IL31RA: variants seen among roughly 807,000 people sequenced by gnomAD.
IL31RA encodes interleukin-31 receptor subunit alpha.
Under a neutral mutation model 83.7 loss-of-function variants are expected in IL31RA, and 66 were observed. That is an observed-to-expected ratio of 0.79 (90% CI 0.65 to 0.97). The LOEUF (loss-of-function observed/expected upper bound fraction) is 0.97. IL31RA is among the 50% of genes least tolerant of loss of function. The probability of loss-of-function intolerance (pLI) is 0.00; values close to 1 mark genes in which losing one functional copy is unlikely to be tolerated. For missense variants in IL31RA, 798 were observed against 919.4 expected, an observed-to-expected ratio of 0.87 and a Z score of 1.71; for synonymous variants, 325 against 329.0, an observed-to-expected ratio of 0.99 and a Z score of 0.13.
intron 3 of IL31RA, 134 bp downstream of exon 3, chr5:55,869,042 C>A: frequency 1.3e-6 from 1 of 743,312 alleles, no homozygotes; most frequent in South Asian, 1.4e-5. Flanking sequence ...CTGTGTGCAG[C>A]CAGTGGCTTG....
At position 55,907,384 on chromosome 5, in the gene IL31RA, T is replaced by C; in HGVS notation, c.1278T>C (p.Tyr426=). Residue 426 remains tyrosine (Y), a synonymous_variant, in exon 10 of 15, where the codon TAT becomes TAC. Coordinates refer to ENST00000652347, the MANE Select transcript of IL31RA (RefSeq NM_139017.7). ...ATAAATTAAAACCTTTCTGGTGCTA[T>C]AACATCTCTGTGTATCCAATGTTGC... The part of the protein sequence containing the change: ...QQDKLKPFWC[Y]NISVYPMLHD... 6.2e-7 allele frequency: 1 copy of C among 1,613,546 alleles called. No homozygotes were observed. Among genetic ancestry groups the C allele is most frequent in the South Asian group, 1.1e-5 (1 of 91,080 alleles).
chr5:55,893,386 C>T (rs761027773), intron 6 of IL31RA, among the ~76,000 whole-genome samples: 2 of 152,216 alleles, frequency 1.3e-5, no homozygotes, highest in African/African-American at 2.4e-5. Flanking sequence ...AGCAGGGGCA[C>T]CTGCACATGT....
At chr5:55,851,990 T>A (rs561596904) in intron 1 of IL31RA, among the ~76,000 whole-genome samples, 12 of 152,198 alleles carry the variant, frequency 7.9e-5, no homozygotes, top group Non-Finnish European at 1.2e-4. Context: ...TAAATGTATA[T>A]GCTCAATTGG....
intron 4 of IL31RA, among the ~76,000 whole-genome samples, chr5:55,880,991 A>C (rs1037384962): frequency 2.0e-5 from 3 of 152,200 alleles, no homozygotes; most frequent in African/African-American, 7.2e-5. Context: ...GTTTTAGAGC[A>C]GGAGTGGAAG....
chr5:55,913,177 G>A (rs1003390548), intron 12 of IL31RA, among the ~76,000 whole-genome samples: 4 of 151,888 alleles, frequency 2.6e-5, no homozygotes, highest in Non-Finnish European at 2.9e-5. Context: ...TGCAACCTCC[G>A]CCTCCCAGGT....
intron 2 of IL31RA, among the ~76,000 whole-genome samples, chr5:55,866,997 G>A (rs1258366940): frequency 6.6e-6 from 1 of 151,936 alleles, no homozygotes; most frequent in African/African-American, 2.4e-5. Context: ...TCTTTCCAGA[G>A]GCTCAACAAA....
rs1446213225 is a variant in IL31RA, at chr5:55,920,064, G to A, written c.*2944G>A. 2.6e-5 allele frequency among the ~76,000 whole-genome samples: 4 copies of A among 152,220 alleles called. No individual in the cohort carries two copies. The highest frequency in any genetic ancestry group is 9.6e-5 in the African/African-American group (4 of 41,456). On this transcript the variant is annotated 3_prime_UTR_variant, in exon 15 of 15. Transcript: ENST00000652347. ...AGCAGAAAATTTTTAAAGAATGACA[G>A]AGAAACCAGTCTGTGGCTTAAATAA...
intron 11 of IL31RA, among the ~76,000 whole-genome samples, chr5:55,909,995 C>T (rs370689016): frequency 2.0e-4 from 30 of 152,316 alleles, no homozygotes; most frequent in South Asian, 2.1e-4. Flanking sequence ...TGAGCCACTG[C>T]GCCCGGCCAG....
At chr5:55,853,446 G>T in intron 1 of IL31RA, 1 of 1,538,366 alleles carries the variant, frequency 6.5e-7, no homozygotes, top group Non-Finnish European at 8.8e-7. Flanking sequence ...ATCTTAGTGT[G>T]GATAAATTAA....
chr5:55,874,940 G>C (rs968729337), intron 4 of IL31RA, among the ~76,000 whole-genome samples: 4 of 152,066 alleles, frequency 2.6e-5, no homozygotes, highest in African/African-American at 9.7e-5. Flanking sequence ...TCCTTTTCTT[G>C]TTCCTGATCT....
intron 1 of IL31RA, among the ~76,000 whole-genome samples, chr5:55,854,065 C>T (rs910125023): frequency 2.0e-5 from 3 of 152,120 alleles, no homozygotes; most frequent in Non-Finnish European, 4.4e-5. Context: ...ATTCCATATC[C>T]GTAAACTAGA....
At chr5:55,869,083 G>C (rs1021118221) in intron 3 of IL31RA, among the ~76,000 whole-genome samples, 175 bp downstream of exon 3, 4 of 152,204 alleles carry the variant, frequency 2.6e-5, no homozygotes, top group Non-Finnish European at 4.4e-5. Context: ...AGAGGGAGGG[G>C]AGGCATAGCC....
At chr5:55,877,959 G>A (rs1352843400) in intron 4 of IL31RA, among the ~76,000 whole-genome samples, 1 of 152,164 alleles carries the variant, frequency 6.6e-6, no homozygotes, top group African/African-American at 2.4e-5. Context: ...CTCCCAAAAT[G>A]TGTTTATTGG....
chr5:55,902,723 T>A (rs956762452), intron 8 of IL31RA, among the ~76,000 whole-genome samples: 1 of 152,196 alleles, frequency 6.6e-6, no homozygotes, highest in Non-Finnish European at 1.5e-5. Flanking sequence ...AACTAGAGAA[T>A]AATAAGATAA....
At chr5:55,868,019 A>G (rs913554321) in intron 2 of IL31RA, among the ~76,000 whole-genome samples, 2 of 152,250 alleles carry the variant, frequency 1.3e-5, no homozygotes, top group Admixed American at 6.5e-5. Flanking sequence ...AGCAACGAAA[A>G]TATAATATGA....
intron 5 of IL31RA, among the ~76,000 whole-genome samples, chr5:55,886,283 T>C (rs1747608699): frequency 7.1e-6 from 1 of 141,130 alleles, no homozygotes; most frequent in South Asian, 2.3e-4. Context: ...TTTTTTTTTT[T>C]TTTTTTTTGA....
At chr5:55,902,477 A>AAAAC (rs1278137370) in intron 8 of IL31RA, 4 of 151,418 alleles carry the variant, frequency 2.6e-5, no homozygotes, top group African/African-American at 7.3e-5. Flanking sequence ...AAAAAAAAAA[A>AAAAC]AATACAAAAA....
In IL31RA at chr5:55,917,409, A is replaced by C; in HGVS notation, c.*289A>C. 9.0e-7 allele frequency: 1 copy of C among 1,117,186 alleles called. No homozygotes were observed. Among genetic ancestry groups the C allele is most frequent in the Non-Finnish European group, 1.2e-6 (1 of 860,896 alleles). 69.2% of individuals were successfully genotyped at this position (1,117,186 alleles called of 1,614,324 possible). A position where few individuals can be genotyped will look rare whatever the true frequency, so the allele number is the denominator to read the frequency against. ...CTCCTGACAGATTGACTTTGAAGGA[A>C]GGGCCCAGGTTCTGAGCCCAAAGGA... On this transcript the variant is annotated 3_prime_UTR_variant, in exon 15 of 15. Transcript: ENST00000652347.
At position 55,917,293 on chromosome 5, in the gene IL31RA, T is replaced by C. The variant is rs1749847491; in HGVS notation, c.*173T>C. On this transcript the variant is annotated 3_prime_UTR_variant, in exon 15 of 15. Coordinates refer to ENST00000652347, the MANE Select transcript of IL31RA (RefSeq NM_139017.7). ...CTTGGTCGGCAAAGATGCGACCTTG[T>C]ACTGGGAAGAAGGGATGGTGATAAG... The C allele has an allele frequency of 6.6e-7, 1 of 1,517,868 alleles. No homozygotes were observed. Among genetic ancestry groups the C allele is most frequent in the Non-Finnish European group, 8.8e-7 (1 of 1,139,740 alleles). The allele number at this position is 1,517,868 out of a possible 1,614,324, so 94.0% of individuals were successfully genotyped here. A position where few individuals can be genotyped will look rare whatever the true frequency, so the allele number is the denominator to read the frequency against.
Sources: gnomAD v4.1 joint callset for allele counts (sites outside exome capture counted in the v4.1 genomes callset) on GRCh38, gnomAD v4.1.1 for gene constraint, MANE v1.5 for transcripts, NCBI Gene and HGNC (gene_info 2026-07-23, HGNC 2026-07-21) for gene names.